The following ANO4 variants were observed in gnomAD, a reference collection of about 807,000 sequenced individuals.
The protein encoded by ANO4 is anoctamin-4.
A neutral mutation model predicts 141.9 loss-of-function variants in ANO4; 69 were observed. The ratio of observed to expected loss-of-function variants is 0.49; its 90% CI spans 0.40 to 0.59. The LOEUF is 0.59. Ranked by LOEUF, ANO4 falls within the 20% of genes least tolerant of loss-of-function variation. The pLI is 0.00. For synonymous variants in ANO4, 350 were observed against 394.3 expected, an observed-to-expected ratio of 0.89 and a Z score of 1.33; for missense variants, 894 against 1,162.2, an observed-to-expected ratio of 0.77 and a Z score of 3.36.
chr12:100,926,200 C>T (rs1297200046), intron 3 of ANO4, among the ~76,000 whole-genome samples: 1 of 152,090 alleles, frequency 6.6e-6, no homozygotes, highest in Non-Finnish European at 1.5e-5. Context: ...TATATTTTCA[C>T]ATCTTGATGC....
intron 21 of ANO4, 39 bp downstream of exon 21, chr12:101,097,984 C>T: frequency 2.5e-6 from 4 of 1,569,484 alleles, no homozygotes; most frequent in Non-Finnish European, 3.5e-6. Flanking sequence ...GGCAGCATTG[C>T]TCATTATTGG....
At chr12:101,066,777 A>G (rs2048607739) in intron 14 of ANO4, 6 of 1,100,776 alleles carry the variant, frequency 5.5e-6, no homozygotes, top group Non-Finnish European at 8.4e-6. Context: ...GAGGAGGACC[A>G]CAGGAAGCTG....
intron 1 of ANO4, among the ~76,000 whole-genome samples, chr12:100,844,897 C>T (rs1414554142): frequency 6.6e-6 from 1 of 151,848 alleles, no homozygotes; most frequent in Admixed American, 6.6e-5. Flanking sequence ...GAAAAGAGGA[C>T]CCAGGACAAA....
chr12:101,058,077 A>G (rs1391323080), intron 14 of ANO4, among the ~76,000 whole-genome samples: 2 of 152,214 alleles, frequency 1.3e-5, no homozygotes, highest in Non-Finnish European at 2.9e-5. Flanking sequence ...AATTTTCTGC[A>G]TATGGCTAGC....
At chr12:100,847,514 C>T (rs1461102429) in intron 1 of ANO4, among the ~76,000 whole-genome samples, 1 of 140,026 alleles carries the variant, frequency 7.1e-6, no homozygotes, top group Non-Finnish European at 1.5e-5. Flanking sequence ...CTCTGTCACT[C>T]AGGCTGGAGC....
intron 1 of ANO4, among the ~76,000 whole-genome samples, chr12:100,806,459 T>C (rs543782631): frequency 1.2e-3 from 186 of 151,562 alleles, no homozygotes; most frequent in Non-Finnish European, 2.2e-3. Context: ...GTTCATGCCC[T>C]TTGCAGGCCC....
intron 1 of ANO4, among the ~76,000 whole-genome samples, chr12:100,727,509 T>C (rs1229641415): frequency 2.6e-5 from 4 of 152,238 alleles, no homozygotes; most frequent in Admixed American, 6.5e-5. Flanking sequence ...TTGGTTAGTA[T>C]CTGCTTGCTG....
At chr12:100,784,555 TTCTC>T (rs2033806559) in intron 3 of ANO4, among the ~76,000 whole-genome samples, 2 of 152,200 alleles carry the variant, frequency 1.3e-5, no homozygotes, top group African/African-American at 4.8e-5. Flanking sequence ...TTGTAGCTGA[TTCTC>T]TCGTTTTTAC....
At chr12:101,076,056 T>G (rs1309440931) in intron 14 of ANO4, among the ~76,000 whole-genome samples, 1 of 152,174 alleles carries the variant, frequency 6.6e-6, no homozygotes, top group Non-Finnish European at 1.5e-5. Flanking sequence ...AATTTCTTCT[T>G]CTCTTCCTAT....
intron 1 of ANO4, among the ~76,000 whole-genome samples, chr12:100,821,987 C>T (rs1478859952): frequency 1.3e-5 from 2 of 151,888 alleles, no homozygotes; most frequent in Non-Finnish European, 2.9e-5. Flanking sequence ...CATCAATGCC[C>T]AGTCCTTTGC....
intron 1 of ANO4, among the ~76,000 whole-genome samples, chr12:100,892,445 A>G (rs1213979170): frequency 1.3e-5 from 2 of 152,198 alleles, no homozygotes; most frequent in South Asian, 2.1e-4. Flanking sequence ...CCAAGGTCTT[A>G]GCTAATCTCC....
intron 8 of ANO4, among the ~76,000 whole-genome samples, chr12:101,016,831 A>T (rs1191746890): frequency 3.9e-5 from 6 of 152,214 alleles, no homozygotes; most frequent in African/African-American, 1.4e-4. Flanking sequence ...ACTTAATTGT[A>T]CAATAGCCCT....
At chr12:101,061,792 A>G (rs1191219274) in intron 14 of ANO4, among the ~76,000 whole-genome samples, 2 of 151,618 alleles carry the variant, frequency 1.3e-5, no homozygotes, top group Non-Finnish European at 2.9e-5. Flanking sequence ...ACCTTTTTTC[A>G]AGGTTCTTAG....
intron 12 of ANO4, among the ~76,000 whole-genome samples, 162 bp downstream of exon 12, chr12:101,042,630 T>G (rs2047453569): frequency 6.6e-6 from 1 of 152,210 alleles, no homozygotes; most frequent in South Asian, 2.1e-4. Context: ...GACCTCTCCA[T>G]CCATTGTCCT....
chr12:100,894,965 CAAAAAA>C (rs764468746), intron 1 of ANO4, among the ~76,000 whole-genome samples: 1 of 102,624 alleles, frequency 9.7e-6, no homozygotes, highest in Admixed American at 1.1e-4. Flanking sequence ...GACTCCATCT[CAAAAAA>C]AAAAAAAAAA....
At chr12:100,897,861 G>T (rs566744425) in intron 1 of ANO4, among the ~76,000 whole-genome samples, 3 of 152,324 alleles carry the variant, frequency 2.0e-5, no homozygotes, top group South Asian at 4.1e-4. Context: ...GGTTCTTTAA[G>T]AGCTTAGGCC....
chr12:100,785,144 A>G (rs1343616658), intron 3 of ANO4, among the ~76,000 whole-genome samples: 1 of 152,130 alleles, frequency 6.6e-6, no homozygotes, highest in African/African-American at 2.4e-5. Flanking sequence ...GAGATTTCCC[A>G]CACACCCTCT....
chr12:101,094,349 C>A, intron 18 of ANO4, 57 bp downstream of exon 18: 2 of 1,388,778 alleles, frequency 1.4e-6, no homozygotes, highest in South Asian at 2.7e-5. Context: ...GAGTATGGTT[C>A]AAAGATTCCT....
chr12:101,079,556 T>C (rs1398023160), intron 15 of ANO4, among the ~76,000 whole-genome samples: 1 of 152,142 alleles, frequency 6.6e-6, no homozygotes, highest in Non-Finnish European at 1.5e-5. Flanking sequence ...TTTTTCCATT[T>C]TCTTAAAAAT....
Sources: allele counts gnomAD v4.1 joint callset (sites outside exome capture counted in the v4.1 genomes callset), GRCh38; gene constraint gnomAD v4.1.1; transcripts MANE v1.5; gene names NCBI Gene and HGNC (gene_info 2026-07-23, HGNC 2026-07-21).